SPMAP2L: variants seen among roughly 807,000 people sequenced by gnomAD.
SPMAP2L encodes the protein sperm microtubule associated protein 2 like.
the SPMAP2L span, among the ~76,000 whole-genome samples, chr4:56,599,456 A>G: frequency 1.3e-5 from 2 of 152,160 alleles, no homozygotes; most frequent in African/African-American, 2.4e-5. Context: ...ATAGGTATAC[A>G]TGTGCCATGG....
the SPMAP2L span, among the ~76,000 whole-genome samples, chr4:56,545,273 A>G: frequency 1.3e-5 from 2 of 151,856 alleles, no homozygotes; most frequent in South Asian, 2.1e-4. Flanking sequence ...TCTCCTGACT[A>G]TTTTTCTCTT....
the SPMAP2L span, among the ~76,000 whole-genome samples, chr4:56,571,013 A>G: frequency 6.6e-6 from 1 of 151,956 alleles, no homozygotes; most frequent in Non-Finnish European, 1.5e-5. Context: ...CATGTTGGCC[A>G]GGCTGGTCTG....
the SPMAP2L span, chr4:56,593,055 A>G: frequency 1.3e-6 from 2 of 1,587,974 alleles, no homozygotes; most frequent in Non-Finnish European, 1.7e-6. Flanking sequence ...TGGAGATCCT[A>G]TATTGGCATG....
At chr4:56,603,318 C>T in the SPMAP2L span, 22 of 1,530,260 alleles carry the variant, frequency 1.4e-5, no homozygotes, top group East Asian at 2.4e-5. Flanking sequence ...ACCTCTTACA[C>T]GTTAAATACA....
the SPMAP2L span, chr4:56,593,051 T>G: frequency 6.3e-7 from 1 of 1,590,070 alleles, no homozygotes; most frequent in Non-Finnish European, 8.6e-7. Context: ...GATCTGGAGA[T>G]CCTATATTGG....
the SPMAP2L span, among the ~76,000 whole-genome samples, chr4:56,565,244 A>G: frequency 1.1e-4 from 17 of 152,276 alleles, no homozygotes; most frequent in East Asian, 3.1e-3. Flanking sequence ...TACTTGTTCT[A>G]TCAGTTATTA....
chr4:56,579,674 T>G, the SPMAP2L span, among the ~76,000 whole-genome samples: 4 of 152,188 alleles, frequency 2.6e-5, no homozygotes, highest in African/African-American at 9.6e-5. Flanking sequence ...GAGGCTGAGG[T>G]GGGAGAATCA....
the SPMAP2L span, among the ~76,000 whole-genome samples, chr4:56,598,595 G>GT: frequency 1.8e-4 from 25 of 141,574 alleles, no homozygotes; most frequent in East Asian, 2.0e-4. Context: ...GCTAAGGGAA[G>GT]TTTTTTTTTC....
chr4:56,614,179 T>C, the SPMAP2L span, among the ~76,000 whole-genome samples: 1 of 152,190 alleles, frequency 6.6e-6, no homozygotes, highest in Non-Finnish European at 1.5e-5. Flanking sequence ...AGGAAAGGAT[T>C]TCCAACAGAG....
At chr4:56,610,444 A>G in the SPMAP2L span, among the ~76,000 whole-genome samples, 1 of 152,204 alleles carries the variant, frequency 6.6e-6, no homozygotes, top group Non-Finnish European at 1.5e-5. Flanking sequence ...ACAAAAATCA[A>G]CTCAAGATGG....
the SPMAP2L span, among the ~76,000 whole-genome samples, chr4:56,549,445 C>A: frequency 6.6e-6 from 1 of 152,048 alleles, no homozygotes; most frequent in Non-Finnish European, 1.5e-5. Context: ...ATCTCCCTTG[C>A]CTCTAATTCA....
chr4:56,541,290 G>T, the SPMAP2L span, among the ~76,000 whole-genome samples: 1 of 151,812 alleles, frequency 6.6e-6, no homozygotes, highest in Non-Finnish European at 1.5e-5. Context: ...GTTTATAATT[G>T]TATTACAAAA....
At chr4:56,577,452 T>C in the SPMAP2L span, among the ~76,000 whole-genome samples, 1 of 152,178 alleles carries the variant, frequency 6.6e-6, no homozygotes, top group South Asian at 2.1e-4. Context: ...AAGACAAACA[T>C]TGTTACTAGA....
At chr4:56,537,702 T>C in the SPMAP2L span, among the ~76,000 whole-genome samples, 19 of 152,100 alleles carry the variant, frequency 1.2e-4, no homozygotes, top group South Asian at 4.2e-4. Flanking sequence ...CTTTTCTTTT[T>C]TTTTTTTGAG....
chr4:56,594,457 G>A, the SPMAP2L span: 24 of 1,605,878 alleles, frequency 1.5e-5, 1 homozygote, highest in Non-Finnish European at 2.0e-5. Flanking sequence ...AGCTTGAGAA[G>A]GATTTGTGTG....
the SPMAP2L span, among the ~76,000 whole-genome samples, chr4:56,599,160 T>A: frequency 0.037 from 5,669 of 152,072 alleles, 250 homozygotes; most frequent in African/African-American, 0.1. Context: ...TGTGTATATA[T>A]GTATATATAC....
the SPMAP2L span, chr4:56,595,738 T>C: frequency 1.1e-6 from 1 of 898,712 alleles, no homozygotes; most frequent in African/African-American, 1.6e-5. Context: ...CTCCCTAAGT[T>C]TAAAGGACTG....
At chr4:56,587,296 T>TGA in the SPMAP2L span, among the ~76,000 whole-genome samples, 4 of 152,042 alleles carry the variant, frequency 2.6e-5, no homozygotes, top group South Asian at 2.1e-4. Flanking sequence ...ATTGATTGAT[T>TGA]TCTTCATTCA....
chr4:56,614,307 TAA>T, the SPMAP2L span, among the ~76,000 whole-genome samples: 2 of 152,248 alleles, frequency 1.3e-5, no homozygotes, highest in East Asian at 1.9e-4. Flanking sequence ...TGGAAAAATA[TAA>T]GTCATGTTCA....
Sources: gnomAD v4.1 joint callset for allele counts (sites outside exome capture counted in the v4.1 genomes callset) on GRCh38, gnomAD v4.1.1 for gene constraint, MANE v1.5 for transcripts, NCBI Gene and HGNC (gene_info 2026-07-23, HGNC 2026-07-21) for gene names.